ROBO2: variants seen among roughly 807,000 people sequenced by gnomAD.
The protein encoded by ROBO2 is roundabout guidance receptor 2.
Under a neutral mutation model 160.8 loss-of-function variants are expected in ROBO2, and 53 were observed. That is an observed-to-expected ratio of 0.33 (90% CI 0.26 to 0.41). ROBO2 has a LOEUF of 0.41. Ranked by LOEUF, ROBO2 falls within the 10% of genes least tolerant of loss-of-function variation. The pLI, the probability that ROBO2 is intolerant of heterozygous loss-of-function variation, is 1.00. For synonymous variants in ROBO2, 664 were observed against 611.7 expected, an observed-to-expected ratio of 1.09 and a Z score of -1.26; for missense variants, 1,577 against 1,722.4, an observed-to-expected ratio of 0.92 and a Z score of 1.49.
At chr3:76,844,267 G>T (rs900679050) in intron 2 of ROBO2, among the ~76,000 whole-genome samples, 2 of 151,930 alleles carry the variant, frequency 1.3e-5, no homozygotes, top group African/African-American at 4.8e-5. Flanking sequence ...ATAAAATATG[G>T]TTTTGCAATC....
chr3:76,398,644 T>C (rs975572418), intron 2 of ROBO2, among the ~76,000 whole-genome samples: 3 of 151,348 alleles, frequency 2.0e-5, no homozygotes, highest in Admixed American at 1.3e-4. Context: ...AATTATAGTT[T>C]TTAGTATATT....
intron 2 of ROBO2, among the ~76,000 whole-genome samples, chr3:76,396,482 G>A (rs1421270426): frequency 6.6e-6 from 1 of 152,068 alleles, no homozygotes; most frequent in African/African-American, 2.4e-5. Context: ...GGGCAATTAG[G>A]CAGGAGAAGG....
chr3:77,604,882 A>G (rs1418094332), intron 20 of ROBO2, among the ~76,000 whole-genome samples: 1 of 152,112 alleles, frequency 6.6e-6, no homozygotes, highest in Non-Finnish European at 1.5e-5. Context: ...TGAGTGTATT[A>G]CCCTCTTTGA....
chr3:76,676,230 A>G (rs1249575393), intron 2 of ROBO2, among the ~76,000 whole-genome samples: 1 of 151,968 alleles, frequency 6.6e-6, no homozygotes, highest in Non-Finnish European at 1.5e-5. Flanking sequence ...TATGGAGGCG[A>G]TTTCCCCGTG....
At chr3:77,431,581 G>A (rs547763125) in intron 2 of ROBO2, among the ~76,000 whole-genome samples, 1 of 152,048 alleles carries the variant, frequency 6.6e-6, no homozygotes, top group African/African-American at 2.4e-5. Flanking sequence ...GCTGGACCCT[G>A]AGCCCTCCCA....
intron 2 of ROBO2, among the ~76,000 whole-genome samples, chr3:76,949,527 A>G (rs1463498155): frequency 6.6e-6 from 1 of 151,748 alleles, no homozygotes; most frequent in Non-Finnish European, 1.5e-5. Context: ...CTTCTCCCCT[A>G]TTTAAGGTGT....
chr3:76,043,620 C>CAAAAAAA lies in ROBO2; in HGVS notation c.109+106038_109+106044dup, dbSNP rs56988287. Among the ~76,000 whole-genome samples, 11 of 38,446 alleles carry CAAAAAAA rather than the reference C, an allele frequency of 2.9e-4. 1 individual carries two copies. The highest frequency in any genetic ancestry group is 1.1e-3 in the African/African-American group (11 of 9,994). 25.2% of individuals were successfully genotyped at this position (38,446 alleles called of 152,430 possible). ...ACACCCTAACCAATTCTTCATCGTC[C>CAAAAAAA]AAAAAAAAAAAAAAAAAAAAAAAAA... On this transcript the variant is annotated intron_variant, in intron 2 of 26. Coordinates refer to the ROBO2 transcript ENST00000487694.
intron 2 of ROBO2, among the ~76,000 whole-genome samples, chr3:76,544,738 T>C (rs1219333406): frequency 6.6e-6 from 1 of 152,044 alleles, no homozygotes; most frequent in Non-Finnish European, 1.5e-5. Flanking sequence ...TTCAATTTCC[T>C]GTGCCTCTGT....
chr3:76,023,240 G>A (rs889834135), intron 2 of ROBO2, among the ~76,000 whole-genome samples: 1 of 151,690 alleles, frequency 6.6e-6, no homozygotes, highest in East Asian at 1.9e-4. Flanking sequence ...TCGTTCATTT[G>A]TTCACTGTAG....
At chr3:77,083,876 CACCCGAACAA>C (rs2068959645) in intron 1 of ROBO2, among the ~76,000 whole-genome samples, 1 of 151,930 alleles carries the variant, frequency 6.6e-6, no homozygotes, top group Non-Finnish European at 1.5e-5. Context: ...TTCAGGTGGT[CACCCGAACAA>C]AGCCTAGAAC....
rs541183925 is a variant in ROBO2, at chr3:77,453,043, C to A, written c.389-24371C>A. 2.6e-5 allele frequency among the ~76,000 whole-genome samples: 4 copies of A among 152,242 alleles called. No individual in the cohort carries two copies. In the South Asian group the frequency reaches 8.3e-4, roughly 32 times the overall value. On this transcript the variant is annotated intron_variant, in intron 2 of 25. Coordinates refer to ENST00000461745, the Ensembl canonical transcript of ROBO2. ...ACATTTCCCCAAAGTATGTCTATGG[C>A]CTAGGTATCACACTTCCGTATAGCC...
intron 2 of ROBO2, among the ~76,000 whole-genome samples, chr3:77,177,464 A>G (rs193061424): frequency 6.6e-6 from 1 of 152,070 alleles, no homozygotes; most frequent in African/African-American, 2.4e-5. Context: ...TACTGTTTGC[A>G]TACAATCTTG....
intron 21 of ROBO2, among the ~76,000 whole-genome samples, chr3:77,614,387 A>G (rs1202914798): frequency 6.6e-6 from 1 of 152,228 alleles, no homozygotes; most frequent in Non-Finnish European, 1.5e-5. Context: ...CACTCATTAT[A>G]TAGTCAATTA....
At position 77,202,693 on chromosome 3, in the gene ROBO2, A is replaced by G. The variant is rs185531318; in HGVS notation, c.388+104353A>G. Among the ~76,000 whole-genome samples, 116 of 151,796 alleles carry G rather than the reference A, an allele frequency of 7.6e-4. No individual in the cohort carries two copies. In the Middle Eastern group the frequency reaches 0.014, roughly 18 times the overall value. ...TCCTTCCTCTATTCTCTCTTTCCCC[A>G]TTCCCTTCCCTCCTTCCTTCTTCCT... On this transcript the variant is annotated intron_variant, in intron 2 of 25. Transcript: ENST00000461745.
At chr3:76,022,663 A>G (rs894607124) in intron 2 of ROBO2, among the ~76,000 whole-genome samples, 4 of 151,730 alleles carry the variant, frequency 2.6e-5, no homozygotes, top group East Asian at 1.9e-4. Flanking sequence ...AAAAATATCC[A>G]GTAGACCATA....
At chr3:77,282,938 G>A (rs913503675) in intron 2 of ROBO2, among the ~76,000 whole-genome samples, 1 of 147,098 alleles carries the variant, frequency 6.8e-6, no homozygotes. Flanking sequence ...AATAACTGAT[G>A]GCATAAAGAG....
chr3:76,080,275 G>A (rs2108021142), intron 2 of ROBO2, among the ~76,000 whole-genome samples: 1 of 152,280 alleles, frequency 6.6e-6, no homozygotes, highest in East Asian at 1.9e-4. Context: ...TTTGGCTTCA[G>A]CGCTTACTAT....
At chr3:76,706,752 T>G (rs2093170693) in intron 2 of ROBO2, among the ~76,000 whole-genome samples, 1 of 152,132 alleles carries the variant, frequency 6.6e-6, no homozygotes, top group Admixed American at 6.6e-5. Context: ...TGTGTCCTTT[T>G]ATTCTTTAAT....
chr3:76,199,092 C>T (rs917076149), intron 2 of ROBO2, among the ~76,000 whole-genome samples: 5 of 152,104 alleles, frequency 3.3e-5, no homozygotes, highest in Non-Finnish European at 5.9e-5. Flanking sequence ...ACTTACAGGG[C>T]CTCAGTTCTT....
Sources: allele counts gnomAD v4.1 joint callset (sites outside exome capture counted in the v4.1 genomes callset), GRCh38; gene constraint gnomAD v4.1.1; transcripts MANE v1.5; gene names NCBI Gene and HGNC (gene_info 2026-07-23, HGNC 2026-07-21).